The following MTDH variants were observed in gnomAD, a reference collection of about 807,000 sequenced individuals.
The protein encoded by MTDH is protein LYRIC.
In MTDH, 34 loss-of-function variants were observed where a neutral mutation model predicts 72.7. The observed-to-expected ratio is 0.47, with a 90% CI of 0.36 to 0.62. The LOEUF is 0.62. MTDH is among the 20% of genes least tolerant of loss of function. MTDH has a pLI of 0.00. For missense variants in MTDH, 677 were observed against 699.4 expected, an observed-to-expected ratio of 0.97 and a Z score of 0.36; for synonymous variants, 266 against 268.9, an observed-to-expected ratio of 0.99 and a Z score of 0.10.
rs567710233 is a variant in MTDH, at chr8:97,676,969, C to T, written c.484-9699C>T. Among the ~76,000 whole-genome samples the T allele has an allele frequency of 1.9e-4, 25 of 131,214 alleles. No homozygotes were observed. In the South Asian group the frequency reaches 4.4e-3, roughly 23 times the overall value. The allele number at this position is 131,214 out of a possible 152,430, so 86.1% of individuals were successfully genotyped here. A position where few individuals can be genotyped will look rare whatever the true frequency, so the allele number is the denominator to read the frequency against. ...GCAGTGAGCTGAGATTGTGCCATTG[C>T]ACTCCAGCCTGGGCGACAGAGTGAG... On this transcript the variant is annotated intron_variant, in intron 2 of 11. Transcript: ENST00000336273.
Position 97,644,446 on chromosome 8 carries a change from CTAT to C in MTDH, c.-59_-57del, listed in dbSNP as rs1811474049. ...CCCGGCCCTTCCTCGCTTCCCTCGA[CTAT>C]TCCACTGCGTCTCCGCGCCCCGGCG... On this transcript the variant is annotated 5_prime_UTR_variant, in exon 1 of 12. Coordinates refer to ENST00000336273, the MANE Select transcript of MTDH (RefSeq NM_178812.4). 1 of 1,514,108 alleles carries C rather than the reference CTAT, an allele frequency of 6.6e-7. No individual in the cohort carries two copies. The highest frequency in any genetic ancestry group is 1.4e-5 in the African/African-American group (1 of 70,046). The allele number at this position is 1,514,108 out of a possible 1,614,324, so 93.8% of individuals were successfully genotyped here. A position where few individuals can be genotyped will look rare whatever the true frequency, so the allele number is the denominator to read the frequency against.
At chr8:97,724,525 T>A (rs1434691488) in intron 11 of MTDH, 75 bp from the exon 12 acceptor site, 2 of 1,006,410 alleles carry the variant, frequency 2.0e-6, no homozygotes, top group Non-Finnish European at 2.9e-6. Context: ...AGTTACTACT[T>A]TTATATTATT....
intron 2 of MTDH, among the ~76,000 whole-genome samples, chr8:97,662,209 T>A (rs989052880): frequency 2.7e-5 from 4 of 150,870 alleles, no homozygotes; most frequent in Non-Finnish European, 4.4e-5. Context: ...TTTTTTTTTT[T>A]AATATAGAGA....
intron 2 of MTDH, among the ~76,000 whole-genome samples, chr8:97,682,981 A>T (rs185195904): frequency 6.7e-6 from 1 of 149,864 alleles, no homozygotes; most frequent in African/African-American, 2.4e-5. Context: ...TTGCAAGGGT[A>T]AAGTGGATCA....
intron 9 of MTDH, among the ~76,000 whole-genome samples, chr8:97,716,103 A>G (rs1273764302): frequency 1.3e-5 from 2 of 152,062 alleles, no homozygotes; most frequent in African/African-American, 4.8e-5. Context: ...ATAAAAGGTT[A>G]TGGCTGGGCG....
intron 2 of MTDH, among the ~76,000 whole-genome samples, chr8:97,680,363 G>A (rs921704680): frequency 1.3e-5 from 2 of 152,044 alleles, no homozygotes; most frequent in African/African-American, 2.4e-5. Context: ...ATGTACCACC[G>A]CACCCAGCTC....
At chr8:97,707,893 G>A (rs1234431020) in intron 8 of MTDH, among the ~76,000 whole-genome samples, 1 of 150,282 alleles carries the variant, frequency 6.7e-6, no homozygotes, top group Admixed American at 6.6e-5. Flanking sequence ...AAATGAGAGG[G>A]AAGATTTGAC....
At chr8:97,669,788 C>T (rs1185754726) in intron 2 of MTDH, among the ~76,000 whole-genome samples, 5 of 151,976 alleles carry the variant, frequency 3.3e-5, no homozygotes, top group Admixed American at 6.6e-5. Flanking sequence ...TGATGGCACA[C>T]GCCTGTAATC....
At chr8:97,711,689 C>A (rs2131062781) in intron 8 of MTDH, among the ~76,000 whole-genome samples, 1 of 152,264 alleles carries the variant, frequency 6.6e-6, no homozygotes, top group African/African-American at 2.4e-5. Context: ...CAGATAGTGT[C>A]AAACCCTAGG....
intron 4 of MTDH, among the ~76,000 whole-genome samples, chr8:97,688,728 A>G (rs1813466446): frequency 6.6e-6 from 1 of 152,146 alleles, no homozygotes; most frequent in Admixed American, 6.5e-5. Context: ...ACAGAGCCCA[A>G]TACTGCAGTT....
chr8:97,646,269 G>T (rs1287431444), intron 1 of MTDH, among the ~76,000 whole-genome samples: 1 of 152,182 alleles, frequency 6.6e-6, no homozygotes, highest in African/African-American at 2.4e-5. Flanking sequence ...TTTGCCTGCT[G>T]ATTAAGAGAT....
At chr8:97,646,434 G>A (rs1336061569) in intron 1 of MTDH, among the ~76,000 whole-genome samples, 1 of 152,126 alleles carries the variant, frequency 6.6e-6, no homozygotes, top group Non-Finnish European at 1.5e-5. Context: ...GTAATGTTAT[G>A]GTGAAAATAG....
chr8:97,728,867 G>A lies in MTDH; in HGVS notation c.*4197G>A, dbSNP rs1000196306. ...TGACATTATGCAGGGTCAGGGATCC[G>A]GGTTCTTTCTATATTGTTCCTCCCC... On this transcript the variant is annotated 3_prime_UTR_variant, in exon 12 of 12. Coordinates refer to ENST00000336273, the MANE Select transcript of MTDH (RefSeq NM_178812.4). The A allele has an allele frequency of 5.3e-5, 8 of 150,510 alleles. No homozygotes were observed. Among genetic ancestry groups the A allele is most frequent in the African/African-American group, 1.9e-4 (8 of 41,060 alleles). 9.3% of individuals were successfully genotyped at this position (150,510 alleles called of 1,614,324 possible).
At chr8:97,707,449 CTTTTTTTT>C (rs35528230) in intron 8 of MTDH, among the ~76,000 whole-genome samples, 2 of 80,206 alleles carry the variant, frequency 2.5e-5, no homozygotes, top group African/African-American at 1.3e-4. Flanking sequence ...CATGCCTGGC[CTTTTTTTT>C]TTTTTTTTTT....
intron 2 of MTDH, 52 bp downstream of exon 2, chr8:97,661,225 T>G (rs1306354358): frequency 7.7e-7 from 1 of 1,302,108 alleles, no homozygotes; most frequent in Non-Finnish European, 1.1e-6. Flanking sequence ...TAGAATGACA[T>G]ATAAGGATAA....
chr8:97,723,526 T>C (rs1289831654), intron 11 of MTDH, among the ~76,000 whole-genome samples: 1 of 147,932 alleles, frequency 6.8e-6, no homozygotes, highest in Non-Finnish European at 1.5e-5. Flanking sequence ...GGCGGATCAC[T>C]AGGTCAGGAG....
At position 97,692,491 on chromosome 8, in the gene MTDH, G is replaced by A. The variant is rs528703803; in HGVS notation, c.1048+1303G>A. Among the ~76,000 whole-genome samples the A allele has an allele frequency of 1.8e-4, 28 of 151,800 alleles. 1 individual carries two copies. Among genetic ancestry groups the A allele is most frequent in the Middle Eastern group, 3.4e-3 (1 of 292 alleles). On this transcript the variant is annotated intron_variant, in intron 6 of 11. Coordinates refer to ENST00000336273, the MANE Select transcript of MTDH (RefSeq NM_178812.4). Reference sequence around the variant, plus strand: ...GGGTTCAAGCAATTCTCTTGCCTCAGCCTCCCAAGTAGCTGGGATTACAGG... The same window carrying A: ...GGGTTCAAGCAATTCTCTTGCCTCAACCTCCCAAGTAGCTGGGATTACAGG...
chr8:97,709,541 G>A (rs1420290294), intron 8 of MTDH, among the ~76,000 whole-genome samples: 2 of 152,130 alleles, frequency 1.3e-5, no homozygotes, highest in Non-Finnish European at 2.9e-5. Flanking sequence ...GTTGGGGAAT[G>A]GAAAGATGTG....
chr8:97,672,404 T>A (rs1194182851), intron 2 of MTDH, among the ~76,000 whole-genome samples: 1 of 152,224 alleles, frequency 6.6e-6, no homozygotes, highest in African/African-American at 2.4e-5. Context: ...TATTAACCTT[T>A]TGGGTTCTCT....
Sources: allele counts gnomAD v4.1 joint callset (sites outside exome capture counted in the v4.1 genomes callset), GRCh38; gene constraint gnomAD v4.1.1; transcripts MANE v1.5; gene names NCBI Gene and HGNC (gene_info 2026-07-23, HGNC 2026-07-21).